Variants in OSBPL1A observed in about 807,000 individuals in gnomAD.
OSBPL1A encodes oxysterol binding protein like 1A, also known as oxysterol-binding protein-related protein 1.
OSBPL1A carries 80 observed loss-of-function variants against 137.1 expected under a neutral mutation model. The ratio of observed to expected loss-of-function variants is 0.58; its 90% CI spans 0.49 to 0.70. OSBPL1A has a LOEUF of 0.70. OSBPL1A is among the 30% of genes least tolerant of loss of function. The probability of loss-of-function intolerance (pLI) is 0.00; values close to 1 mark genes in which losing one functional copy is unlikely to be tolerated. For synonymous variants in OSBPL1A, 365 were observed against 389.7 expected, an observed-to-expected ratio of 0.94 and a Z score of 0.75; for missense variants, 970 against 1,129.4, an observed-to-expected ratio of 0.86 and a Z score of 2.02.
In OSBPL1A at chr18:24,367,039, G is replaced by A. The variant is rs1216823059; in HGVS notation, c.208-73C>T. Reference sequence around the variant, plus strand: ...AATCATTCCTTCAAAATATATTAAGGCCTTAAAAAATTAAAATTGTTAATA... The same window carrying A: ...AATCATTCCTTCAAAATATATTAAGACCTTAAAAAATTAAAATTGTTAATA... On this transcript the variant is annotated intron_variant, in intron 3 of 27. Coordinates refer to ENST00000319481, the MANE Select transcript of OSBPL1A (RefSeq NM_080597.4). 7.0e-6 allele frequency: 9 copies of A among 1,287,946 alleles called. No homozygotes were observed. In the East Asian group the frequency reaches 2.1e-4, roughly 30 times the overall value. The allele number at this position is 1,287,946 out of a possible 1,614,324, so 79.8% of individuals were successfully genotyped here.
At chr18:24,320,298 A>G (rs938922630) in intron 7 of OSBPL1A, among the ~76,000 whole-genome samples, 7 of 152,198 alleles carry the variant, frequency 4.6e-5, no homozygotes, top group African/African-American at 1.7e-4. Flanking sequence ...GGAAAGACAG[A>G]TGATAAATTA....
intron 15 of OSBPL1A, among the ~76,000 whole-genome samples, chr18:24,255,235 G>A (rs1028868333): frequency 2.6e-5 from 4 of 152,142 alleles, no homozygotes; most frequent in Non-Finnish European, 5.9e-5. Context: ...AGAAAAGCCT[G>A]GGACCTGAAG....
At chr18:24,179,435 TAAAA>T in intron 20 of OSBPL1A, 1 of 274,030 alleles carries the variant, frequency 3.6e-6, no homozygotes, top group South Asian at 4.9e-5. Flanking sequence ...AAACTTAAAG[TAAAA>T]AAAAAAAACA....
chr18:24,277,670 T>C (rs921781622), intron 15 of OSBPL1A, among the ~76,000 whole-genome samples: 7 of 152,246 alleles, frequency 4.6e-5, no homozygotes, highest in Admixed American at 3.9e-4. Flanking sequence ...TAATTTATAA[T>C]GCCAGATAAA....
Position 24,343,373 on chromosome 18 carries a change from CTT to C in OSBPL1A, c.283-1717_283-1716del, listed in dbSNP as rs1323152324. Among the ~76,000 whole-genome samples, 3 of 152,192 alleles carry C rather than the reference CTT, an allele frequency of 2.0e-5. No homozygotes were observed. In the East Asian group the frequency reaches 5.8e-4, roughly 29 times the overall value. ...CATCCAGCGATCATGGATGGAAAGA[CTT>C]AATATTGTTAAGAGGAGAATACTAC... On this transcript the variant is annotated intron_variant, in intron 4 of 27. Coordinates refer to ENST00000319481, the MANE Select transcript of OSBPL1A (RefSeq NM_080597.4).
chr18:24,303,722 C>T lies in OSBPL1A; in HGVS notation c.1093-4G>A, dbSNP rs760550470. 2 of 1,606,262 alleles carry T rather than the reference C, an allele frequency of 1.2e-6. No individual in the cohort carries two copies. The highest frequency in any genetic ancestry group is 1.7e-6 in the Non-Finnish European group (2 of 1,176,672). On this transcript the variant is annotated splice_polypyrimidine_tract_variant and splice_region_variant and intron_variant, in intron 13 of 27. Transcript: ENST00000319481. ...GCTGTTGGCATGACTGTGCTTTCTG[C>T]AAAAAAAGAAAAGACAAAATTAAAA... is the stretch of plus-strand genomic sequence containing the variant.
intron 24 of OSBPL1A, among the ~76,000 whole-genome samples, chr18:24,168,884 A>G (rs78805525): frequency 0.011 from 1,681 of 152,296 alleles, 30 homozygotes; most frequent in African/African-American, 0.039. Flanking sequence ...GAATATAAGG[A>G]ATGTTCTCTG....
chr18:24,204,406 A>T (rs1471145528), intron 17 of OSBPL1A, among the ~76,000 whole-genome samples: 1 of 151,918 alleles, frequency 6.6e-6, no homozygotes, highest in Non-Finnish European at 1.5e-5. Context: ...TTTTTTTTGT[A>T]TGTGATAGCT....
intron 14 of OSBPL1A, among the ~76,000 whole-genome samples, chr18:24,293,125 A>AAAAAAAAAAAAAAAAAAAAAAAG (rs200624581): frequency 3.3e-4 from 27 of 82,032 alleles, no homozygotes; most frequent in Non-Finnish European, 5.4e-4. Flanking sequence ...AAAAAAAAAA[A>AAAAAAAAAAAAAAAAAAAAAAAG]AAAGAAAAGA....
intron 17 of OSBPL1A, among the ~76,000 whole-genome samples, chr18:24,223,140 A>C (rs1271412875): frequency 1.3e-5 from 2 of 152,054 alleles, no homozygotes; most frequent in Admixed American, 1.3e-4. Flanking sequence ...TATGAATACA[A>C]ATTATTCTTG....
chr18:24,253,516 A>G (rs570106680), intron 15 of OSBPL1A, among the ~76,000 whole-genome samples: 10 of 152,242 alleles, frequency 6.6e-5, no homozygotes, highest in Non-Finnish European at 1.5e-4. Context: ...AGAAGGAATA[A>G]TTCACACAGA....
At chr18:24,332,319 G>A (rs750306934) in intron 7 of OSBPL1A, among the ~76,000 whole-genome samples, 5 of 147,660 alleles carry the variant, frequency 3.4e-5, no homozygotes, top group Non-Finnish European at 7.4e-5. Context: ...CCAGGAGGAG[G>A]AGGCTGCAGT....
chr18:24,184,587 C>T (rs572365979), intron 18 of OSBPL1A, among the ~76,000 whole-genome samples: 8 of 152,236 alleles, frequency 5.3e-5, no homozygotes, highest in South Asian at 2.1e-4. Flanking sequence ...TGCTCACAAC[C>T]GAGAATTTGA....
At chr18:24,318,492 A>G in intron 9 of OSBPL1A, 109 bp downstream of exon 9, 2 of 942,438 alleles carry the variant, frequency 2.1e-6, no homozygotes, top group South Asian at 3.1e-5. Context: ...TCCAAGAGCG[A>G]TTAAATCACA....
intron 14 of OSBPL1A, among the ~76,000 whole-genome samples, chr18:24,288,430 A>C (rs1437479109): frequency 6.6e-6 from 1 of 152,222 alleles, no homozygotes; most frequent in African/African-American, 2.4e-5. Context: ...GAAGCATCTA[A>C]CTATTCTGTG....
intron 13 of OSBPL1A, among the ~76,000 whole-genome samples, chr18:24,306,381 A>G (rs1337225338): frequency 1.3e-5 from 2 of 152,246 alleles, no homozygotes; most frequent in Admixed American, 1.3e-4. Context: ...AGAGGAATGC[A>G]TAGGCTAGTA....
intron 14 of OSBPL1A, among the ~76,000 whole-genome samples, chr18:24,303,306 CT>C (rs559031131): frequency 1.3e-3 from 192 of 152,248 alleles, no homozygotes; most frequent in African/African-American, 4.3e-3. Context: ...AGGCCTCAAG[CT>C]TTAGACATTC....
At chr18:24,223,932 G>T (rs1419889786) in intron 17 of OSBPL1A, among the ~76,000 whole-genome samples, 1 of 152,144 alleles carries the variant, frequency 6.6e-6, no homozygotes, top group East Asian at 1.9e-4. Flanking sequence ...CAAGTTTACT[G>T]TTAAGTATTT....
rs372752382 is a variant in OSBPL1A at position 24,322,023 on chromosome 18, T to C, written c.626-3214A>G. 2.9e-4 allele frequency among the ~76,000 whole-genome samples: 44 copies of C among 151,902 alleles called. 1 individual carries two copies. The South Asian group carries it at 8.1e-3, about 28-fold the overall frequency. ...GCTAATTACAAAGAGATGGCAATAG[T>C]GCAGGTAAAGGATACTGGTGGTTTG... On this transcript the variant is annotated intron_variant, in intron 7 of 27. Transcript: ENST00000319481.
Sources: gnomAD v4.1 joint callset for allele counts (sites outside exome capture counted in the v4.1 genomes callset) on GRCh38, gnomAD v4.1.1 for gene constraint, MANE v1.5 for transcripts, NCBI Gene and HGNC (gene_info 2026-07-23, HGNC 2026-07-21) for gene names.